Variants in PACS1 observed in about 807,000 individuals in gnomAD.
PACS1 encodes the protein PACS-1.
Under a neutral mutation model 115.0 loss-of-function variants are expected in PACS1, and 24 were observed. The observed-to-expected ratio is 0.21, with a 90% CI of 0.15 to 0.29. The LOEUF is 0.29. Ranked by LOEUF, PACS1 falls within the 10% of genes least tolerant of loss-of-function variation. The pLI is 1.00. For missense variants in PACS1, 838 were observed against 1,251.2 expected, an observed-to-expected ratio of 0.67 and a Z score of 4.98; for synonymous variants, 453 against 504.5, an observed-to-expected ratio of 0.90 and a Z score of 1.37.
intron 1 of PACS1, among the ~76,000 whole-genome samples, chr11:66,134,076 AT>A (rs1310215836): frequency 6.6e-6 from 1 of 151,748 alleles, no homozygotes; most frequent in Non-Finnish European, 1.5e-5. Flanking sequence ...CATTGATCAC[AT>A]TGTCATTGTT....
intron 1 of PACS1, among the ~76,000 whole-genome samples, chr11:66,103,901 G>A (rs1227127102): frequency 2.0e-5 from 3 of 152,046 alleles, no homozygotes; most frequent in Non-Finnish European, 2.9e-5. Context: ...CAGCTCAGGG[G>A]CAGTGCTGTT....
At chr11:66,095,672 G>A (rs1590740353) in intron 1 of PACS1, among the ~76,000 whole-genome samples, 5 of 152,292 alleles carry the variant, frequency 3.3e-5, no homozygotes, top group Admixed American at 3.3e-4. Context: ...TGGCCAGGAT[G>A]GTCTCGAACT....
intron 1 of PACS1, among the ~76,000 whole-genome samples, chr11:66,112,722 G>A (rs1858217278): frequency 6.6e-6 from 1 of 152,162 alleles, no homozygotes; most frequent in African/African-American, 2.4e-5. Context: ...AGTGAACTGA[G>A]AGTACATGGA....
chr11:66,192,405 G>A (rs925970932), intron 1 of PACS1, among the ~76,000 whole-genome samples: 31 of 152,316 alleles, frequency 2.0e-4, no homozygotes, highest in African/African-American at 7.0e-4. Context: ...CTGAGGAGGC[G>A]TTAGGTGGCA....
At chr11:66,241,144 T>A (rs1180355611) in intron 21 of PACS1, 1 of 405,966 alleles carries the variant, frequency 2.5e-6, no homozygotes, top group Non-Finnish European at 4.6e-6. Flanking sequence ...ACACACACAC[T>A]TTCTTCCTTC....
chr11:66,223,054 CAAAAAAAAA>C (rs71461612), intron 10 of PACS1, among the ~76,000 whole-genome samples: 2 of 75,006 alleles, frequency 2.7e-5, no homozygotes, highest in Non-Finnish European at 5.0e-5. Flanking sequence ...CCTCGATTTA[CAAAAAAAAA>C]AAAAAAAAAA....
chr11:66,117,675 C>T (rs1858335656), intron 1 of PACS1, among the ~76,000 whole-genome samples: 2 of 151,484 alleles, frequency 1.3e-5, no homozygotes, highest in Admixed American at 1.3e-4. Context: ...GGAGAAACCC[C>T]ATCTCTACTA....
chr11:66,179,640 TCA>T (rs1352035119), intron 1 of PACS1, among the ~76,000 whole-genome samples: 2 of 152,190 alleles, frequency 1.3e-5, no homozygotes, highest in African/African-American at 4.8e-5. Context: ...TCTTTGGACC[TCA>T]GTTTCCATCA....
Position 66,241,656 on chromosome 11 carries a change from A to G in PACS1, c.2656+3A>G, listed in dbSNP as rs1000287781. 6.2e-7 allele frequency: 1 copy of G among 1,608,916 alleles called. No individual in the cohort carries two copies. Among genetic ancestry groups the G allele is most frequent in the Admixed American group, 1.7e-5 (1 of 59,926 alleles). On this transcript the variant is annotated splice_donor_region_variant and intron_variant, in intron 22 of 23. Coordinates refer to ENST00000320580, the MANE Select transcript of PACS1 (RefSeq NM_018026.4). Reference sequence around the variant, plus strand: ...CACCAAAGAAAAGAACAAGAAAGGTAAGTACCCCCAAGGCCGGGGAAGACC... The same window carrying G: ...CACCAAAGAAAAGAACAAGAAAGGTGAGTACCCCCAAGGCCGGGGAAGACC...
chr11:66,074,960 TGAGA>T (rs1857370713), intron 1 of PACS1, among the ~76,000 whole-genome samples: 1 of 147,766 alleles, frequency 6.8e-6, no homozygotes, highest in African/African-American at 2.5e-5. Flanking sequence ...TTTTTTTTTT[TGAGA>T]TGGAGTCTCG....
At chr11:66,243,053 G>T in intron 23 of PACS1, 22 bp downstream of exon 23, 1 of 1,613,796 alleles carries the variant, frequency 6.2e-7, no homozygotes, top group Non-Finnish European at 8.5e-7. Flanking sequence ...GGCAGGGCCG[G>T]GAGGAGGGCA....
chr11:66,191,429 T>G (rs1407061928), intron 1 of PACS1, among the ~76,000 whole-genome samples: 1 of 152,096 alleles, frequency 6.6e-6, no homozygotes, highest in Non-Finnish European at 1.5e-5. Context: ...GACATCTGGG[T>G]GGTGGGGGCT....
At chr11:66,071,529 A>G (rs1565096056) in intron 1 of PACS1, among the ~76,000 whole-genome samples, 1 of 152,176 alleles carries the variant, frequency 6.6e-6, no homozygotes, top group Non-Finnish European at 1.5e-5. Flanking sequence ...TGTTGGAACC[A>G]TCTGGGGACT....
intron 9 of PACS1, 143 bp from the exon 10 acceptor site, chr11:66,221,011 T>C (rs1186998322): frequency 2.2e-6 from 2 of 905,386 alleles, no homozygotes; most frequent in Non-Finnish European, 3.6e-6. Context: ...GCCCCTCCTC[T>C]TCACCCTGCA....
At chr11:66,175,103 A>T (rs1859824576) in intron 1 of PACS1, among the ~76,000 whole-genome samples, 1 of 151,942 alleles carries the variant, frequency 6.6e-6, no homozygotes, top group Non-Finnish European at 1.5e-5. Context: ...GTGAGCCAAG[A>T]TTGCACCATT....
At chr11:66,227,894 A>T (rs1452762469) in intron 11 of PACS1, among the ~76,000 whole-genome samples, 4 of 152,118 alleles carry the variant, frequency 2.6e-5, no homozygotes, top group Non-Finnish European at 5.9e-5. Context: ...CTGGAAAATC[A>T]TCCCTTCCTC....
intron 1 of PACS1, among the ~76,000 whole-genome samples, chr11:66,192,981 TCTC>T (rs1453308213): frequency 2.0e-5 from 3 of 152,222 alleles, no homozygotes; most frequent in African/African-American, 7.2e-5. Flanking sequence ...GTGTGGATTA[TCTC>T]CTCTTGCTAA....
intron 1 of PACS1, among the ~76,000 whole-genome samples, chr11:66,162,329 C>A (rs1859509212): frequency 6.6e-6 from 1 of 151,966 alleles, no homozygotes; most frequent in African/African-American, 2.4e-5. Context: ...TCCATGTTGA[C>A]CAGGCTGGTC....
chr11:66,174,081 G>T (rs909756248), intron 1 of PACS1, among the ~76,000 whole-genome samples: 3 of 151,118 alleles, frequency 2.0e-5, no homozygotes, highest in African/African-American at 7.3e-5. Flanking sequence ...TTTGAATAGA[G>T]ATTTTACCAA....
Sources: allele counts gnomAD v4.1 joint callset (sites outside exome capture counted in the v4.1 genomes callset), GRCh38; gene constraint gnomAD v4.1.1; transcripts MANE v1.5; gene names NCBI Gene and HGNC (gene_info 2026-07-23, HGNC 2026-07-21).